MAN1C1: variants seen among roughly 807,000 people sequenced by gnomAD.
The protein encoded by MAN1C1 is mannosidase alpha class 1C member 1.
Under a neutral mutation model 71.5 loss-of-function variants are expected in MAN1C1, and 49 were observed. The observed-to-expected ratio is 0.69, with a 90% CI of 0.54 to 0.87. The LOEUF is 0.87. Among genes scored for constraint, MAN1C1 ranks in the 40% least tolerant of loss-of-function variants. The pLI is 0.00. For missense variants in MAN1C1, 743 were observed against 835.0 expected, an observed-to-expected ratio of 0.89 and a Z score of 1.36; for synonymous variants, 352 against 343.7, an observed-to-expected ratio of 1.02 and a Z score of -0.27.
chr1:25,768,075 T>A (rs116352146), intron 7 of MAN1C1, among the ~76,000 whole-genome samples: 10 of 1,862 alleles, frequency 5.4e-3, no homozygotes, highest in African/African-American at 5.7e-3. Flanking sequence ...ACACACACAC[T>A]CCCCCCCACA....
chr1:25,678,265 T>C (rs1437855576), intron 1 of MAN1C1, among the ~76,000 whole-genome samples: 1 of 152,234 alleles, frequency 6.6e-6, no homozygotes, highest in Non-Finnish European at 1.5e-5. Context: ...TTTTAATACC[T>C]ATTTACTACT....
intron 1 of MAN1C1, among the ~76,000 whole-genome samples, chr1:25,675,237 G>T (rs375853367): frequency 6.6e-6 from 1 of 152,092 alleles, no homozygotes; most frequent in Non-Finnish European, 1.5e-5. Flanking sequence ...AACCCCTGCA[G>T]TCTTTCCCCC....
At chr1:25,726,622 T>G (rs2046835765) in intron 2 of MAN1C1, among the ~76,000 whole-genome samples, 2 of 152,152 alleles carry the variant, frequency 1.3e-5, no homozygotes, top group South Asian at 4.1e-4. Context: ...ACAAGTACAG[T>G]AGGCATTCGG....
intron 1 of MAN1C1, among the ~76,000 whole-genome samples, chr1:25,659,893 T>C (rs2045821865): frequency 6.6e-6 from 1 of 152,244 alleles, no homozygotes; most frequent in African/African-American, 2.4e-5. Flanking sequence ...TTTATCTATT[T>C]CACCTGTTGT....
In MAN1C1 at chr1:25,758,719, C is replaced by G. The variant is rs1355552776; in HGVS notation, c.1047+10C>G. 1.9e-6 allele frequency: 3 copies of G among 1,605,662 alleles called. No homozygotes were observed. The highest frequency in any genetic ancestry group is 2.2e-5 in the East Asian group (1 of 44,838). ...GGTCTTCGCTGAAAAGGCAAGTCTC[C>G]TCCCCACCCTTCTTCCTGCGGAGCA... is the stretch of plus-strand genomic sequence containing the variant. On this transcript the variant is annotated intron_variant, in intron 6 of 11. Coordinates refer to ENST00000374332, the MANE Select transcript of MAN1C1 (RefSeq NM_020379.4).
chr1:25,628,723 T>C (rs2045336546), intron 1 of MAN1C1, among the ~76,000 whole-genome samples: 1 of 152,228 alleles, frequency 6.6e-6, no homozygotes, highest in Non-Finnish European at 1.5e-5. Flanking sequence ...GTATAGATTG[T>C]ACTCAGTATA....
At chr1:25,675,170 G>A (rs1007685984) in intron 1 of MAN1C1, among the ~76,000 whole-genome samples, 4 of 152,010 alleles carry the variant, frequency 2.6e-5, no homozygotes, top group East Asian at 1.9e-4. Context: ...TGAGATTTTC[G>A]TGCACCTGTC....
At chr1:25,661,310 T>C (rs577215617) in intron 1 of MAN1C1, among the ~76,000 whole-genome samples, 131 of 152,342 alleles carry the variant, frequency 8.6e-4, no homozygotes, top group Non-Finnish European at 1.5e-3. Flanking sequence ...ATTTAACAAA[T>C]AAGTATCCAG....
At chr1:25,768,962 A>C (rs1408179393) in intron 7 of MAN1C1, among the ~76,000 whole-genome samples, 8 of 118,542 alleles carry the variant, frequency 6.7e-5, no homozygotes, top group Middle Eastern at 7.7e-3. Flanking sequence ...CCCTACACAC[A>C]CCCCCACACT....
rs781694979 is a variant in MAN1C1, at chr1:25,778,107, G to A, written c.1260G>A (p.Ala420=). ...CCCAATCCCCACCTTGCTCCCAGGC[G>A]ATAGAGACCTACTTGCTGAATGTCT... The part of the protein sequence containing the change: ...AKNMYYEALE[A]IETYLLNVSP... Residue 420 remains alanine, a splice_region_variant and synonymous_variant, in exon 9 of 12, where the codon GCG becomes GCA. Coordinates refer to ENST00000374332, the MANE Select transcript of MAN1C1 (RefSeq NM_020379.4). This position sits in a 1 kb window ranked among gnomAD's most constrained non-coding sequence, Gnocchi z 5.5. 1.2e-5 allele frequency: 18 copies of A among 1,548,258 alleles called. No individual in the cohort carries two copies. Among genetic ancestry groups the A allele is most frequent in the Admixed American group, 5.6e-5 (3 of 53,492 alleles).
chr1:25,669,221 G>A (rs943163031), intron 1 of MAN1C1, among the ~76,000 whole-genome samples: 1 of 152,158 alleles, frequency 6.6e-6, no homozygotes, highest in Non-Finnish European at 1.5e-5. Flanking sequence ...AGATCTGGAG[G>A]CAGCATAGGA....
Position 25,746,553 on chromosome 1 carries a change from C to A in MAN1C1, c.638-115C>A. 1 of 836,250 alleles carries A rather than the reference C, an allele frequency of 1.2e-6. No homozygotes were observed. The allele number at this position is 836,250 out of a possible 1,614,324, so 51.8% of individuals were successfully genotyped here. On this transcript the variant is annotated intron_variant, in intron 2 of 11. Coordinates refer to ENST00000374332, the MANE Select transcript of MAN1C1 (RefSeq NM_020379.4). The surrounding 1 kb of genome is among the most constrained non-coding windows in gnomAD (Gnocchi z 4.0). ...TCCCCCGGATGGTGCCTGAGGCCAG[C>A]CTTTGCCACCAAGCCTGCGCTGGCA... is the stretch of plus-strand genomic sequence containing the variant.
At chr1:25,768,217 CA>C (rs2047477710) in intron 7 of MAN1C1, among the ~76,000 whole-genome samples, 1 of 117,872 alleles carries the variant, frequency 8.5e-6, no homozygotes, top group Non-Finnish European at 1.8e-5. Flanking sequence ...CTCACACATA[CA>C]CACATTACAC....
chr1:25,627,329 T>G (rs777892149), intron 1 of MAN1C1, among the ~76,000 whole-genome samples: 2 of 152,184 alleles, frequency 1.3e-5, no homozygotes, highest in Non-Finnish European at 2.9e-5. Context: ...TCGCCCAGGC[T>G]GGAGTGCGGT....
At chr1:25,734,028 T>C (rs2046946675) in intron 2 of MAN1C1, among the ~76,000 whole-genome samples, 1 of 152,312 alleles carries the variant, frequency 6.6e-6, no homozygotes, top group East Asian at 1.9e-4. Flanking sequence ...CTTGATCTCC[T>C]GACCTCGTGA....
rs113066367 is a variant in MAN1C1 at position 25,642,517 on chromosome 1, T to C, written c.540+24180T>C. Among the ~76,000 whole-genome samples the C allele has an allele frequency of 3.0e-3, 453 of 152,324 alleles. 4 individuals are homozygous for C. Among genetic ancestry groups the C allele is most frequent in the African/African-American group, 0.01 (436 of 41,580 alleles). On this transcript the variant is annotated intron_variant, in intron 1 of 11. Transcript: ENST00000374332. ...CAGAAAGTGAGAATATGCTGTAGAT[T>C]AGTGTGAGAATCCTCCCCAGGGCTT... is the stretch of plus-strand genomic sequence containing the variant.
At chr1:25,765,955 G>A (rs1013540816) in intron 7 of MAN1C1, among the ~76,000 whole-genome samples, 1 of 152,184 alleles carries the variant, frequency 6.6e-6, no homozygotes, top group Non-Finnish European at 1.5e-5. Flanking sequence ...TTATAGCCAC[G>A]GGAAGAGGCA....
intron 1 of MAN1C1, among the ~76,000 whole-genome samples, chr1:25,684,233 C>A (rs903021830): frequency 5.3e-5 from 8 of 152,190 alleles, no homozygotes; most frequent in African/African-American, 1.7e-4. Context: ...TTAATAGAGC[C>A]CTCAGATAAG....
At chr1:25,759,048 C>A in intron 6 of MAN1C1, 1 of 254,514 alleles carries the variant, frequency 3.9e-6, no homozygotes, top group Non-Finnish European at 7.8e-6. Context: ...TAGGCACCAC[C>A]TTGCATTGGC....
Sources: gnomAD v4.1 joint callset for allele counts (sites outside exome capture counted in the v4.1 genomes callset) on GRCh38, gnomAD v4.1.1 for gene constraint, Gnocchi (gnomAD v3.1) non-coding constraint, MANE v1.5 for transcripts, NCBI Gene and HGNC (gene_info 2026-07-23, HGNC 2026-07-21) for gene names.